The following DIAPH2 variants were observed in gnomAD, a reference collection of about 807,000 sequenced individuals.
The protein encoded by DIAPH2 is protein diaphanous homolog 2.
In DIAPH2, 35 loss-of-function variants were observed where a neutral mutation model predicts 92.7. The ratio of observed to expected loss-of-function variants is 0.38; its 90% CI spans 0.29 to 0.50. DIAPH2 has a LOEUF of 0.50. Among genes scored for constraint, DIAPH2 ranks in the 20% least tolerant of loss-of-function variants. DIAPH2 has a pLI of 0.94. For missense variants in DIAPH2, 701 were observed against 819.5 expected, an observed-to-expected ratio of 0.86 and a Z score of 1.77; for synonymous variants, 301 against 280.4, an observed-to-expected ratio of 1.07 and a Z score of -0.73.
chrX:97,392,217 C>T (rs1452248729), intron 25 of DIAPH2, among the ~76,000 whole-genome samples: 12 of 111,417 alleles, frequency 1.1e-4, no homozygotes, highest in Non-Finnish European at 2.3e-4. Context: ...ATGACATTCA[C>T]CTCTTATAGT....
intron 24 of DIAPH2, among the ~76,000 whole-genome samples, chrX:97,350,564 G>A (rs1247248613): frequency 9.0e-6 from 1 of 111,387 alleles, no homozygotes; most frequent in Admixed American, 9.6e-5. Context: ...ATCATAACTT[G>A]TTTTTTAAAA....
intron 19 of DIAPH2, among the ~76,000 whole-genome samples, chrX:97,095,527 A>G (rs1314549080): frequency 9.2e-6 from 1 of 109,083 alleles, no homozygotes; most frequent in Non-Finnish European, 1.9e-5. Context: ...TTTATAAAGA[A>G]ATATTAGCCC....
intron 10 of DIAPH2, among the ~76,000 whole-genome samples, chrX:96,933,277 T>C (rs1275873550): frequency 6.3e-5 from 7 of 110,449 alleles, no homozygotes; most frequent in African/African-American, 2.3e-4. Context: ...TTCCTTTCCA[T>C]TTCCCTTTTT....
chrX:96,914,384 C>T (rs1296401846), intron 7 of DIAPH2, among the ~76,000 whole-genome samples: 1 of 110,934 alleles, frequency 9.0e-6, no homozygotes, highest in Non-Finnish European at 1.9e-5. Context: ...AGATCTCTTT[C>T]GTCAATTGAG....
At position 97,240,633 on chromosome X, in the gene DIAPH2, G is replaced by A. The variant is rs375552310; in HGVS notation, c.2720-7082G>A. ...AAAAAAAAAAAAAGACCAATATTAC[G>A]TTAAATTAGGCCATAGTAGGGATAG... is the stretch of plus-strand genomic sequence containing the variant. On this transcript the variant is annotated intron_variant, in intron 22 of 26. Transcript: ENST00000324765. Among the ~76,000 whole-genome samples the A allele has an allele frequency of 8.4e-5, 9 of 106,913 alleles. No individual in the cohort carries two copies. In the East Asian group the frequency reaches 8.6e-4, roughly 10 times the overall value. The allele number at this position is 106,913 out of a possible 115,157, so 92.8% of individuals were successfully genotyped here.
intron 19 of DIAPH2, among the ~76,000 whole-genome samples, chrX:97,081,308 G>T (rs1243921725): frequency 9.2e-6 from 1 of 109,198 alleles, no homozygotes; most frequent in African/African-American, 3.3e-5. Flanking sequence ...ACCCTTGTTT[G>T]CTACTTTCAG....
At chrX:97,329,929 CA>C (rs1569364098) in intron 23 of DIAPH2, among the ~76,000 whole-genome samples, 37 of 104,478 alleles carry the variant, frequency 3.5e-4, no homozygotes, top group African/African-American at 1.2e-3. Context: ...CACACACACA[CA>C]CACACACCCC....
chrX:97,141,374 A>G (rs940997032), intron 21 of DIAPH2, among the ~76,000 whole-genome samples: 1 of 111,645 alleles, frequency 9.0e-6, no homozygotes, highest in African/African-American at 3.2e-5. Flanking sequence ...ATCAATACTT[A>G]AATGGATGTT....
intron 17 of DIAPH2, among the ~76,000 whole-genome samples, chrX:97,070,483 A>G (rs1241819415): frequency 3.6e-5 from 4 of 111,826 alleles, no homozygotes; most frequent in African/African-American, 1.3e-4. Flanking sequence ...GTTGAACACT[A>G]TAGGGATATT....
At chrX:97,370,064 G>C (rs890103591) in intron 24 of DIAPH2, among the ~76,000 whole-genome samples, 2 of 111,689 alleles carry the variant, frequency 1.8e-5, no homozygotes, top group African/African-American at 6.5e-5. Flanking sequence ...AGGCTTGTTT[G>C]TGATGCTTAT....
intron 25 of DIAPH2, among the ~76,000 whole-genome samples, chrX:97,403,373 ATCT>A (rs1364197242): frequency 8.9e-6 from 1 of 112,222 alleles, no homozygotes; most frequent in Admixed American, 9.4e-5. Context: ...TCAAGAAACA[ATCT>A]TCTTCAACTC....
intron 1 of DIAPH2, among the ~76,000 whole-genome samples, chrX:96,688,281 T>C (rs1406435264): frequency 8.9e-6 from 1 of 112,825 alleles, no homozygotes; most frequent in Non-Finnish European, 1.9e-5. Flanking sequence ...TTTTTCTGGT[T>C]ATTATGTAAC....
intron 26 of DIAPH2, among the ~76,000 whole-genome samples, chrX:97,594,766 G>C (rs189702386): frequency 1.2e-3 from 130 of 112,053 alleles, no homozygotes; most frequent in African/African-American, 4.2e-3. Flanking sequence ...ATGTATATAA[G>C]GGTCATAGAC....
At chrX:97,185,437 G>GTATA (rs1168007064) in intron 22 of DIAPH2, among the ~76,000 whole-genome samples, 3 of 40,523 alleles carry the variant, frequency 7.4e-5, no homozygotes, top group African/African-American at 6.1e-4. Context: ...ATATATATGT[G>GTATA]TATATATATA....
intron 22 of DIAPH2, among the ~76,000 whole-genome samples, chrX:97,185,355 G>GTGTATATATA (rs2067577432): frequency 9.6e-5 from 1 of 10,371 alleles, no homozygotes; most frequent in Non-Finnish European, 1.3e-4. Flanking sequence ...ATATATATGT[G>GTGTATATATA]TGTATATATA....
At position 96,911,869 on chromosome X, in the gene DIAPH2, C is replaced by T. The variant is rs111692989; in HGVS notation, c.588-459C>T. On this transcript the variant is annotated intron_variant, in intron 5 of 26. Transcript: ENST00000324765. ...ACATGCTTGGAACTTTGTAGACACT[C>T]GACAAATATTTGTTGACTGAATAAA... Among the ~76,000 whole-genome samples the T allele has an allele frequency of 1.4e-4, 16 of 111,203 alleles. No homozygotes were observed. The East Asian group carries it at 1.7e-3, about 12-fold the overall frequency.
chrX:96,988,615 C>A (rs180679097), intron 17 of DIAPH2, among the ~76,000 whole-genome samples: 126 of 110,842 alleles, frequency 1.1e-3, no homozygotes, highest in African/African-American at 3.7e-3. Flanking sequence ...TGTGGATGTA[C>A]TATACCAACA....
At chrX:97,002,603 A>C (rs1448766474) in intron 17 of DIAPH2, among the ~76,000 whole-genome samples, 1 of 111,393 alleles carries the variant, frequency 9.0e-6, no homozygotes, top group Non-Finnish European at 1.9e-5. Flanking sequence ...GAGATAGAAA[A>C]ATGAATTATG....
intron 26 of DIAPH2, among the ~76,000 whole-genome samples, chrX:97,454,582 GCGGTGACTCA>G (rs5903084): frequency 0.013 from 1,418 of 111,164 alleles, 23 homozygotes; most frequent in African/African-American, 0.044. Flanking sequence ...TTGGCTGGGT[GCGGTGACTCA>G]CGCCTGTAAT....
Sources: allele counts gnomAD v4.1 joint callset (sites outside exome capture counted in the v4.1 genomes callset), GRCh38; gene constraint gnomAD v4.1.1; transcripts MANE v1.5; gene names NCBI Gene and HGNC (gene_info 2026-07-23, HGNC 2026-07-21).